Variants in PAQR5 observed in about 807,000 individuals in gnomAD.
PAQR5 encodes membrane progestin receptor gamma.
A neutral mutation model predicts 34.5 loss-of-function variants in PAQR5; 20 were observed. The ratio of observed to expected loss-of-function variants is 0.58; its 90% CI spans 0.41 to 0.84. The LOEUF (loss-of-function observed/expected upper bound fraction) is 0.84, where lower values mean the gene tolerates loss of function less well. PAQR5 is among the 40% of genes least tolerant of loss of function. The pLI is 0.00. For missense variants in PAQR5, 378 were observed against 412.7 expected (o/e 0.92, Z 0.73); for synonymous variants, 131 against 155.6 (o/e 0.84, Z 1.18).
intron 1 of PAQR5, among the ~76,000 whole-genome samples, chr15:69,319,133 C>T (rs1226983161): frequency 2.1e-5 from 3 of 140,548 alleles, no homozygotes; most frequent in African/African-American, 8.2e-5. Context: ...GACTCCATTT[C>T]AAAAAATATA....
intron 1 of PAQR5, among the ~76,000 whole-genome samples, chr15:69,317,045 C>G (rs1471902763): frequency 6.6e-6 from 1 of 152,196 alleles, no homozygotes; most frequent in Non-Finnish European, 1.5e-5. Flanking sequence ...GTCTGGAACT[C>G]TTGACCTCAG....
At chr15:69,316,600 G>A (rs1372768170) in intron 1 of PAQR5, among the ~76,000 whole-genome samples, 1 of 152,128 alleles carries the variant, frequency 6.6e-6, no homozygotes, top group Non-Finnish European at 1.5e-5. Context: ...GTTTTATCTT[G>A]TAGCCTGGGA....
intron 1 of PAQR5, among the ~76,000 whole-genome samples, chr15:69,319,838 G>T (rs1045259218): frequency 6.6e-6 from 1 of 152,188 alleles, no homozygotes; most frequent in African/African-American, 2.4e-5. Context: ...TGCTCTCAGC[G>T]GTTGCATGGC....
chr15:69,394,231 TG>T (rs2056350565), intron 6 of PAQR5, among the ~76,000 whole-genome samples: 1 of 152,112 alleles, frequency 6.6e-6, no homozygotes, highest in African/African-American at 2.4e-5. Context: ...TAGAGGCAGT[TG>T]CTGAGGCAGT....
intron 3 of PAQR5, among the ~76,000 whole-genome samples, chr15:69,372,383 A>G (rs1041511910): frequency 3.3e-5 from 5 of 152,108 alleles, no homozygotes; most frequent in African/African-American, 1.2e-4. Context: ...ATCTCTACTA[A>G]AAATACAAAA....
At chr15:69,383,789 T>C (rs1279811281) in intron 4 of PAQR5, among the ~76,000 whole-genome samples, 52 of 60,782 alleles carry the variant, frequency 8.6e-4, no homozygotes, top group South Asian at 3.2e-3. Context: ...GAGTGGGCCT[T>C]TGTGTTCATG....
chr15:69,316,950 G>T (rs1288145301), intron 1 of PAQR5, among the ~76,000 whole-genome samples: 1 of 152,144 alleles, frequency 6.6e-6, no homozygotes, highest in East Asian at 1.9e-4. Flanking sequence ...CTGCCAAGTA[G>T]CTGGGATTAC....
At chr15:69,403,441 A>G in intron 8 of PAQR5, 140 bp from the exon 9 acceptor site, 3 of 758,020 alleles carry the variant, frequency 4.0e-6, no homozygotes, top group Non-Finnish European at 4.2e-6. Context: ...GGATTTGCAT[A>G]TTCTGGAGAT....
At chr15:69,340,949 A>T (rs2054624860) in intron 2 of PAQR5, among the ~76,000 whole-genome samples, 1 of 152,214 alleles carries the variant, frequency 6.6e-6, no homozygotes, top group African/African-American at 2.4e-5. Flanking sequence ...ACAACTATAA[A>T]TTATGGAGCA....
intron 2 of PAQR5, among the ~76,000 whole-genome samples, chr15:69,355,360 CTT>C (rs1481517136): frequency 5.9e-5 from 2 of 34,054 alleles, no homozygotes; most frequent in Non-Finnish European, 1.4e-4. Flanking sequence ...TTCTTTCTTT[CTT>C]TCTTTCTTTC....
chr15:69,307,030 T>A (rs1003604216), intron 1 of PAQR5, among the ~76,000 whole-genome samples: 1 of 152,218 alleles, frequency 6.6e-6, no homozygotes, highest in Non-Finnish European at 1.5e-5. Context: ...ATTTCATCCA[T>A]GTTGTGGCAT....
In PAQR5 at chr15:69,402,198, T is replaced by C. The variant is rs568859671; in HGVS notation, c.752-1383T>C. ...AGGCTGGAAATCTGAGATCAAAGCG[T>C]TGGCAAGTAGGCTTCTCCGGAGGCC... On this transcript the variant is annotated intron_variant, in intron 8 of 8. Coordinates refer to ENST00000395407, the MANE Select transcript of PAQR5 (RefSeq NM_017705.4). Among the ~76,000 whole-genome samples the C allele has an allele frequency of 1.2e-4, 18 of 152,350 alleles. 1 individual carries two copies. In the South Asian group the frequency reaches 3.1e-3, roughly 26 times the overall value.
chr15:69,376,048 TG>T (rs1254450091), intron 3 of PAQR5, among the ~76,000 whole-genome samples: 2 of 152,230 alleles, frequency 1.3e-5, no homozygotes, highest in Non-Finnish European at 2.9e-5. Flanking sequence ...AGGCAGGAAC[TG>T]AAAGGGAAAA....
chr15:69,314,181 T>C (rs2053890303), intron 1 of PAQR5, among the ~76,000 whole-genome samples: 1 of 151,940 alleles, frequency 6.6e-6, no homozygotes, highest in South Asian at 2.1e-4. Context: ...AGAACCTGAC[T>C]AATCATTTTT....
At chr15:69,373,823 C>T (rs537168932) in intron 3 of PAQR5, among the ~76,000 whole-genome samples, 1 of 152,094 alleles carries the variant, frequency 6.6e-6, no homozygotes, top group Non-Finnish European at 1.5e-5. Context: ...AGACTGGTCT[C>T]GAACTCCTGA....
At chr15:69,400,169 G>GCAA in intron 8 of PAQR5, 54 bp downstream of exon 8, 1 of 1,559,064 alleles carries the variant, frequency 6.4e-7, no homozygotes, top group Non-Finnish European at 8.7e-7. Context: ...ACTGGGGAGG[G>GCAA]TCCTGTCCCT....
At position 69,379,446 on chromosome 15, in the gene PAQR5, C is replaced by T. The variant is rs2055817096; in HGVS notation, c.52-437C>T. 26 of 985,282 alleles carry T rather than the reference C, an allele frequency of 2.6e-5. 2 individuals carry two copies. The South Asian group carries it at 1.2e-3, about 46-fold the overall frequency. The allele number at this position is 985,282 out of a possible 1,614,324, so 61.0% of individuals were successfully genotyped here. On this transcript the variant is annotated intron_variant, in intron 3 of 8. Coordinates refer to ENST00000395407, the MANE Select transcript of PAQR5 (RefSeq NM_017705.4). Reference sequence around the variant, plus strand: ...GGTGAATATATCCTGGCACCGGGGGCATCTTCTGCAGAGTTCTTCCCACCA... The same window carrying T: ...GGTGAATATATCCTGGCACCGGGGGTATCTTCTGCAGAGTTCTTCCCACCA...
chr15:69,394,877 C>T (rs1172029799), intron 6 of PAQR5, among the ~76,000 whole-genome samples: 2 of 152,264 alleles, frequency 1.3e-5, no homozygotes, highest in African/African-American at 4.8e-5. Flanking sequence ...CTGTTGCTGT[C>T]TCTCTTCTCT....
intron 1 of PAQR5, among the ~76,000 whole-genome samples, chr15:69,309,572 A>G (rs1444748842): frequency 6.6e-6 from 1 of 152,016 alleles, no homozygotes; most frequent in Non-Finnish European, 1.5e-5. Context: ...TCATCCTCCT[A>G]TCTCCCCCGA....
Sources: gnomAD v4.1 joint callset for allele counts (sites outside exome capture counted in the v4.1 genomes callset) on GRCh38, gnomAD v4.1.1 for gene constraint, MANE v1.5 for transcripts, NCBI Gene and HGNC (gene_info 2026-07-23, HGNC 2026-07-21) for gene names.